Variants in LINGO2 observed in about 807,000 individuals in gnomAD.
The protein encoded by LINGO2 is leucine-rich repeat and immunoglobulin-like domain-containing nogo receptor-interacting protein 2.
A neutral mutation model predicts 30.6 loss-of-function variants in LINGO2; 14 were observed. The observed-to-expected ratio is 0.46, with a 90% CI of 0.30 to 0.72. The LOEUF is 0.72. Among genes scored for constraint, LINGO2 ranks in the 30% least tolerant of loss-of-function variants. The pLI is 0.07. For synonymous variants in LINGO2, 317 were observed against 288.5 expected (o/e 1.10, Z -1.00); for missense variants, 729 against 751.7 (o/e 0.97, Z 0.35).
At chr9:28,635,513 C>G (rs1019528314) in intron 1 of LINGO2, among the ~76,000 whole-genome samples, 1 of 151,972 alleles carries the variant, frequency 6.6e-6, no homozygotes, top group African/African-American at 2.4e-5. Context: ...GGGAAAATAA[C>G]ATTTTAGATG....
chr9:29,160,928 G>C, the LINGO2 span, among the ~76,000 whole-genome samples: 1 of 152,234 alleles, frequency 6.6e-6, no homozygotes, highest in African/African-American at 2.4e-5. Flanking sequence ...AGCCACTATT[G>C]TCTGCAGAAG....
At chr9:28,861,774 A>G in the LINGO2 span, among the ~76,000 whole-genome samples, 1 of 151,956 alleles carries the variant, frequency 6.6e-6, no homozygotes, top group African/African-American at 2.4e-5. Flanking sequence ...ACCAAAAAAC[A>G]CAAAACCTAC....
chr9:28,727,780 A>G, the LINGO2 span, among the ~76,000 whole-genome samples: 1 of 152,182 alleles, frequency 6.6e-6, no homozygotes, highest in Non-Finnish European at 1.5e-5. Flanking sequence ...ATTAAACATT[A>G]GAAGCATGGG....
rs895012590 is a variant in LINGO2, at chr9:28,288,629, A to G, written c.-87+6579T>C. Among the ~76,000 whole-genome samples, 5 of 152,148 alleles carry G rather than the reference A, an allele frequency of 3.3e-5. No homozygotes were observed. The East Asian group carries it at 9.6e-4, about 29-fold the overall frequency. ...AGGCTGCTAATTTGTTTCTGGCTACATGCTGTTTTACATGTGCTAGGCTTT... is the reference window on the plus strand; with the variant it reads ...AGGCTGCTAATTTGTTTCTGGCTACGTGCTGTTTTACATGTGCTAGGCTTT... On this transcript the variant is annotated intron_variant, in intron 4 of 5. Coordinates refer to ENST00000379992, the Ensembl canonical transcript of LINGO2.
chr9:29,018,119 A>G, the LINGO2 span, among the ~76,000 whole-genome samples: 1 of 147,284 alleles, frequency 6.8e-6, no homozygotes, highest in South Asian at 2.1e-4. Context: ...ATATAGTATG[A>G]AATCATGTTC....
the LINGO2 span, among the ~76,000 whole-genome samples, chr9:28,703,827 T>G: frequency 6.6e-6 from 1 of 152,092 alleles, no homozygotes; most frequent in East Asian, 1.9e-4. Flanking sequence ...TCACAGGTAG[T>G]ATAGGTACCT....
intron 4 of LINGO2, among the ~76,000 whole-genome samples, chr9:28,035,441 G>A (rs1823883165): frequency 6.6e-6 from 1 of 152,160 alleles, no homozygotes; most frequent in Non-Finnish European, 1.5e-5. Context: ...GACTACCTCA[G>A]ATAATTACAA....
intron 1 of LINGO2, among the ~76,000 whole-genome samples, chr9:28,489,999 T>C (rs1309801444): frequency 1.3e-5 from 2 of 151,856 alleles, no homozygotes; most frequent in Non-Finnish European, 2.9e-5. Flanking sequence ...CCAATATTTA[T>C]ATAATCTTTT....
intron 4 of LINGO2, among the ~76,000 whole-genome samples, chr9:28,098,713 G>A (rs1272450275): frequency 6.6e-6 from 1 of 152,154 alleles, no homozygotes; most frequent in Non-Finnish European, 1.5e-5. Flanking sequence ...GTACCAGTTG[G>A]TAGGTGTTAA....
At chr9:28,103,132 T>A (rs1320561557) in intron 4 of LINGO2, among the ~76,000 whole-genome samples, 1 of 152,182 alleles carries the variant, frequency 6.6e-6, no homozygotes, top group Non-Finnish European at 1.5e-5. Flanking sequence ...TAGTACAAAT[T>A]TCTGTTAACT....
chr9:28,548,373 A>G (rs1316471286), intron 1 of LINGO2, among the ~76,000 whole-genome samples: 2 of 152,066 alleles, frequency 1.3e-5, no homozygotes, highest in Non-Finnish European at 2.9e-5. Flanking sequence ...AATAAAAACA[A>G]AAGTTGATAC....
the LINGO2 span, among the ~76,000 whole-genome samples, chr9:29,032,274 T>C: frequency 1.9e-4 from 29 of 152,298 alleles, no homozygotes; most frequent in Non-Finnish European, 3.7e-4. Context: ...TAAGGTGATA[T>C]GTTAAATGCA....
chr9:28,262,989 G>C (rs184149300), intron 4 of LINGO2, among the ~76,000 whole-genome samples: 1 of 152,126 alleles, frequency 6.6e-6, no homozygotes, highest in African/African-American at 2.4e-5. Flanking sequence ...CACAGTTCCT[G>C]TGGGTTAGGA....
At chr9:28,090,608 A>G (rs963252166) in intron 4 of LINGO2, among the ~76,000 whole-genome samples, 2 of 152,198 alleles carry the variant, frequency 1.3e-5, no homozygotes, top group Non-Finnish European at 2.9e-5. Context: ...AGTCAATATC[A>G]TACTTAATGG....
chr9:28,280,628 A>T (rs543689740), intron 4 of LINGO2, among the ~76,000 whole-genome samples: 1 of 152,114 alleles, frequency 6.6e-6, no homozygotes, highest in African/African-American at 2.4e-5. Flanking sequence ...GAGGTAAAAC[A>T]TCTGGAAGTT....
chr9:29,042,462 T>G, the LINGO2 span, among the ~76,000 whole-genome samples: 1 of 151,990 alleles, frequency 6.6e-6, no homozygotes, highest in African/African-American at 2.4e-5. Context: ...AGTGGGTGAA[T>G]GGTTAAACAA....
chr9:29,087,371 C>T, the LINGO2 span, among the ~76,000 whole-genome samples: 5 of 152,198 alleles, frequency 3.3e-5, no homozygotes, highest in South Asian at 8.3e-4. Flanking sequence ...CACATTAAGC[C>T]GCTAGTAAAT....
At chr9:28,381,434 T>C (rs990459357) in intron 2 of LINGO2, among the ~76,000 whole-genome samples, 5 of 151,986 alleles carry the variant, frequency 3.3e-5, no homozygotes, top group Non-Finnish European at 5.9e-5. Context: ...GTAAAAGATC[T>C]CAGGAATCAC....
intron 4 of LINGO2, among the ~76,000 whole-genome samples, chr9:28,047,719 T>C (rs1489094214): frequency 6.6e-6 from 1 of 150,912 alleles, no homozygotes; most frequent in Middle Eastern, 3.2e-3. Context: ...GGGTGCATAT[T>C]ACATGCTTAG....
Sources: allele counts gnomAD v4.1 joint callset (sites outside exome capture counted in the v4.1 genomes callset), GRCh38; gene constraint gnomAD v4.1.1; transcripts MANE v1.5; gene names NCBI Gene and HGNC (gene_info 2026-07-23, HGNC 2026-07-21).